The following CLYBL variants were observed in gnomAD, a reference collection of about 807,000 sequenced individuals.
CLYBL encodes citramalyl-CoA lyase.
Under a neutral mutation model 38.9 loss-of-function variants are expected in CLYBL, and 31 were observed. The ratio of observed to expected loss-of-function variants is 0.80; its 90% CI spans 0.60 to 1.08. The LOEUF (loss-of-function observed/expected upper bound fraction) is 1.08. Among genes scored for constraint, CLYBL ranks in the 50% least tolerant of loss-of-function variants. The probability of loss-of-function intolerance (pLI) is 0.00; values close to 1 mark genes in which losing one functional copy is unlikely to be tolerated. For missense variants in CLYBL, 434 were observed against 411.6 expected, an observed-to-expected ratio of 1.05 and a Z score of -0.47; for synonymous variants, 171 against 158.6, an observed-to-expected ratio of 1.08 and a Z score of -0.59.
intron 1 of CLYBL, among the ~76,000 whole-genome samples, chr13:99,641,526 G>A (rs990568101): frequency 1.3e-5 from 2 of 151,820 alleles, no homozygotes; most frequent in African/African-American, 4.8e-5. Context: ...AAAATTAGCC[G>A]GGCACGGTGG....
chr13:99,794,053 G>T (rs189804832), intron 2 of CLYBL, among the ~76,000 whole-genome samples: 4 of 152,120 alleles, frequency 2.6e-5, no homozygotes, highest in African/African-American at 9.7e-5. Flanking sequence ...AAATCTCTCC[G>T]TTGGACCAGG....
chr13:99,612,386 C>CTTTTTTTT (rs56097059), intron 1 of CLYBL, among the ~76,000 whole-genome samples: 8 of 112,346 alleles, frequency 7.1e-5, no homozygotes, highest in Admixed American at 1.1e-4. Context: ...GACCTTTCTA[C>CTTTTTTTT]TTTTTTTTTT....
intron 1 of CLYBL, among the ~76,000 whole-genome samples, chr13:99,645,098 G>T (rs2047158058): frequency 6.6e-6 from 1 of 152,166 alleles, no homozygotes; most frequent in East Asian, 1.9e-4. Context: ...CCTCTATGCT[G>T]TTCTCCATAG....
intron 1 of CLYBL, among the ~76,000 whole-genome samples, chr13:99,680,018 A>T (rs1416133080): frequency 6.6e-6 from 1 of 152,212 alleles, no homozygotes; most frequent in Non-Finnish European, 1.5e-5. Context: ...TAGGATGCTC[A>T]GTTTGTACTT....
rs193141366 is a variant in CLYBL at position 99,634,904 on chromosome 13, C to T, written c.62+28147C>T. Among the ~76,000 whole-genome samples, 8 of 152,278 alleles carry T rather than the reference C, an allele frequency of 5.3e-5. 1 individual carries two copies. Among genetic ancestry groups the T allele is most frequent in the Middle Eastern group, 3.4e-3 (1 of 294 alleles). ...CTCTCTGGCCTTGGGCACCTTCTTT[C>T]CATTGCTAGGTCTTCTTCCCCATCC... On this transcript the variant is annotated intron_variant, in intron 1 of 8. Transcript: ENST00000339105.
At chr13:99,878,969 G>A (rs2052121726) in intron 7 of CLYBL, among the ~76,000 whole-genome samples, 1 of 152,172 alleles carries the variant, frequency 6.6e-6, no homozygotes, top group Non-Finnish European at 1.5e-5. Context: ...TTTAAAGTAA[G>A]CATGGCTCTG....
At chr13:99,701,063 C>G (rs903986380) in intron 1 of CLYBL, among the ~76,000 whole-genome samples, 2 of 152,160 alleles carry the variant, frequency 1.3e-5, no homozygotes. Flanking sequence ...CCGGTTGTCA[C>G]TTCATCCCAG....
intron 2 of CLYBL, among the ~76,000 whole-genome samples, chr13:99,799,728 A>T (rs2050093887): frequency 6.6e-6 from 1 of 152,244 alleles, no homozygotes; most frequent in South Asian, 2.1e-4. Context: ...GATCAATCAC[A>T]TAGATATCGA....
intron 1 of CLYBL, among the ~76,000 whole-genome samples, chr13:99,611,829 G>A (rs2763938): frequency 0.31 from 46,600 of 152,088 alleles, 8,497 homozygotes; most frequent in Non-Finnish European, 0.41. Context: ...AGCTTTGGTA[G>A]TTTGTATCTT....
At chr13:99,612,569 G>T (rs1381036013) in intron 1 of CLYBL, among the ~76,000 whole-genome samples, 2 of 151,736 alleles carry the variant, frequency 1.3e-5, no homozygotes, top group East Asian at 3.9e-4. Context: ...TGTATTTTTT[G>T]GAGAGACGGG....
chr13:99,863,676 AC>A (rs2051666722), intron 4 of CLYBL, among the ~76,000 whole-genome samples: 1 of 152,186 alleles, frequency 6.6e-6, no homozygotes, highest in Non-Finnish European at 1.5e-5. Flanking sequence ...GCACTAAACT[AC>A]CGGTCTTAAC....
Position 99,606,848 on chromosome 13 carries a change from C to T in CLYBL, c.62+91C>T, listed in dbSNP as rs531354998. Reference sequence around the variant, plus strand: ...CCCCGCGGGCCGGGCGCGGCCTCCCCAAGCCCTCACGGGAACCCAGCCGGA... The same window carrying T: ...CCCCGCGGGCCGGGCGCGGCCTCCCTAAGCCCTCACGGGAACCCAGCCGGA... On this transcript the variant is annotated intron_variant, in intron 1 of 8. Transcript: ENST00000339105. 3.0e-4 allele frequency: 390 copies of T among 1,291,910 alleles called. 6 individuals are homozygous for T. In the South Asian group the frequency reaches 9.0e-3, roughly 30 times the overall value. 80.0% of individuals were successfully genotyped at this position (1,291,910 alleles called of 1,614,324 possible). A position where few individuals can be genotyped will look rare whatever the true frequency, so the allele number is the denominator to read the frequency against.
At position 99,666,537 on chromosome 13, in the gene CLYBL, C is replaced by A. The variant is rs370957406; in HGVS notation, c.62+59780C>A. On this transcript the variant is annotated intron_variant, in intron 1 of 8. Transcript: ENST00000339105. ...TCCCCCCTTTCTTAAATTGTTATTTCGAGCCAGTCAGCCTACTGAAATGCT... is the reference window on the plus strand; with the variant it reads ...TCCCCCCTTTCTTAAATTGTTATTTAGAGCCAGTCAGCCTACTGAAATGCT... Among the ~76,000 whole-genome samples, 29 of 152,120 alleles carry A rather than the reference C, an allele frequency of 1.9e-4. No individual in the cohort carries two copies. In the East Asian group the frequency reaches 2.7e-3, roughly 14 times the overall value.
intron 8 of CLYBL, among the ~76,000 whole-genome samples, chr13:99,904,451 G>T (rs979336278): frequency 6.6e-6 from 1 of 152,192 alleles, no homozygotes; most frequent in Non-Finnish European, 1.5e-5. Flanking sequence ...TGATAAGGAA[G>T]AGTTGATTGA....
intron 2 of CLYBL, among the ~76,000 whole-genome samples, chr13:99,835,179 T>C (rs1231685386): frequency 6.6e-6 from 1 of 152,262 alleles, no homozygotes; most frequent in African/African-American, 2.4e-5. Flanking sequence ...CTGATTCATC[T>C]CTGCTTTTGT....
Position 99,748,796 on chromosome 13 carries a change from G to A in CLYBL, c.63-24028G>A, listed in dbSNP as rs149038165. Among the ~76,000 whole-genome samples the A allele has an allele frequency of 5.4e-4, 82 of 152,196 alleles. 2 individuals carry two copies. The highest frequency in any genetic ancestry group is 1.9e-3 in the African/African-American group (78 of 41,530). On this transcript the variant is annotated intron_variant, in intron 1 of 8. Transcript: ENST00000339105. ...TAGGCACCTCATGGAAGTGAGAATC[G>A]TAGAATGTCTGTCCTATTGTGTCTG...
chr13:99,633,827 G>A (rs1451640720), intron 1 of CLYBL, among the ~76,000 whole-genome samples: 5 of 152,082 alleles, frequency 3.3e-5, no homozygotes, highest in Non-Finnish European at 5.9e-5. Context: ...TAGATCAATC[G>A]TATGTACTCA....
intron 7 of CLYBL, among the ~76,000 whole-genome samples, chr13:99,884,132 A>C (rs1369813505): frequency 6.6e-6 from 1 of 152,130 alleles, no homozygotes; most frequent in Non-Finnish European, 1.5e-5. Context: ...CTGGGATTAC[A>C]CTACCACACT....
intron 7 of CLYBL, among the ~76,000 whole-genome samples, chr13:99,882,675 A>G (rs1452426755): frequency 2.0e-5 from 3 of 152,064 alleles, no homozygotes; most frequent in African/African-American, 7.2e-5. Flanking sequence ...AAAAAAAAAA[A>G]GAATATTTTG....
Sources: allele counts gnomAD v4.1 joint callset (sites outside exome capture counted in the v4.1 genomes callset), GRCh38; gene constraint gnomAD v4.1.1; transcripts MANE v1.5; gene names NCBI Gene and HGNC (gene_info 2026-07-23, HGNC 2026-07-21).